Variants in GDA observed in about 807,000 individuals in gnomAD.
GDA encodes cytoplasmic PSD-95 interactor.
In GDA, 18 loss-of-function variants were observed where a neutral mutation model predicts 59.6. That is an observed-to-expected ratio of 0.30 (90% CI 0.21 to 0.45). The LOEUF is 0.45. Ranked by LOEUF, GDA falls within the 20% of genes least tolerant of loss-of-function variation. The probability of loss-of-function intolerance (pLI) is 1.00; values close to 1 mark genes in which losing one functional copy is unlikely to be tolerated. For missense variants in GDA, 427 were observed against 552.3 expected, an observed-to-expected ratio of 0.77 and a Z score of 2.27; for synonymous variants, 201 against 201.1, an observed-to-expected ratio of 1.00 and a Z score of 0.00.
upstream of GDA, among the ~76,000 whole-genome samples, chr9:72,149,082 A>T (rs1293240615): frequency 6.6e-6 from 1 of 152,190 alleles, no homozygotes; most frequent in Non-Finnish European, 1.5e-5. Context: ...AACTGGTCAT[A>T]AGGTAGGCAG....
At chr9:72,239,537 A>G (rs12684798) in intron 10 of GDA, among the ~76,000 whole-genome samples, 35,795 of 152,036 alleles carry the variant, frequency 0.24, 4,894 homozygotes, top group East Asian at 0.53. Context: ...GTCGTTACCC[A>G]TATATTATAA....
rs1840694342 is a variant in GDA at position 72,251,642 on chromosome 9, A to C, written c.*3300A>C. On this transcript the variant is annotated 3_prime_UTR_variant, in exon 14 of 14. Transcript: ENST00000358399. ...TGGATTGTTAAGAATTGTTGAAAAAAAATTTTTTTTTTTTGGACAGCTTCA... is the reference window on the plus strand; with the variant it reads ...TGGATTGTTAAGAATTGTTGAAAAACAATTTTTTTTTTTTGGACAGCTTCA... 6.6e-6 allele frequency: 1 copy of C among 152,162 alleles called. No individual in the cohort carries two copies. The allele number at this position is 152,162 out of a possible 1,614,324, so 9.4% of individuals were successfully genotyped here. A position where few individuals can be genotyped will look rare whatever the true frequency, so the allele number is the denominator to read the frequency against.
At chr9:72,235,610 T>C (rs11790220) in intron 10 of GDA, among the ~76,000 whole-genome samples, 2,245 of 152,014 alleles carry the variant, frequency 0.015, 37 homozygotes, top group Non-Finnish European at 0.022. Flanking sequence ...GGCAGTAGAA[T>C]TGCTTGAACC....
upstream of GDA, among the ~76,000 whole-genome samples, chr9:72,145,314 C>G (rs541600220): frequency 3.3e-4 from 50 of 152,158 alleles, no homozygotes; most frequent in Admixed American, 9.2e-4. Context: ...ATGAACAATT[C>G]CTGGGAGTTT....
At position 72,199,890 on chromosome 9, in the gene GDA, G is replaced by A. The variant is rs569945874; in HGVS notation, c.213-2681G>A. Among the ~76,000 whole-genome samples, 13 of 152,016 alleles carry A rather than the reference G, an allele frequency of 8.6e-5. No homozygotes were observed. In the South Asian group the frequency reaches 2.5e-3, roughly 29 times the overall value. The stretch of plus-strand genomic sequence containing the variant: ...CTTTCTCAGTCTTACTCCTGAAGTC[G>A]AAGGTGCTGCTTAAGATGTTGGTTT... On this transcript the variant is annotated intron_variant, in intron 2 of 13. Transcript: ENST00000358399.
intron 1 of GDA, among the ~76,000 whole-genome samples, chr9:72,153,922 C>G (rs1199161089): frequency 1.3e-5 from 2 of 150,828 alleles, no homozygotes; most frequent in Non-Finnish European, 2.9e-5. Flanking sequence ...ATGTAACTAA[C>G]CTGCACATTG....
intron 2 of GDA, among the ~76,000 whole-genome samples, chr9:72,195,893 AG>A: frequency 6.6e-6 from 1 of 152,172 alleles, no homozygotes; most frequent in East Asian, 1.9e-4. Flanking sequence ...TTGTCCTCAC[AG>A]GGTTTACAGT....
intron 1 of GDA, among the ~76,000 whole-genome samples, chr9:72,194,996 C>T (rs1389320978): frequency 2.0e-5 from 3 of 152,174 alleles, no homozygotes; most frequent in Non-Finnish European, 4.4e-5. Context: ...TCACCACGCC[C>T]TGGGGGGTAG....
chr9:72,240,625 T>A (rs1839506834), intron 10 of GDA, among the ~76,000 whole-genome samples: 1 of 152,018 alleles, frequency 6.6e-6, no homozygotes, highest in Non-Finnish European at 1.5e-5. Context: ...ATAGAGTGGG[T>A]CCTAAATCCA....
intron 1 of GDA, among the ~76,000 whole-genome samples, chr9:72,185,428 G>A (rs1458121823): frequency 5.3e-5 from 8 of 152,154 alleles, no homozygotes; most frequent in East Asian, 1.9e-4. Flanking sequence ...AACATTATTC[G>A]CCCCATTGTA....
At chr9:72,169,560 C>T (rs541553083) in intron 1 of GDA, among the ~76,000 whole-genome samples, 1 of 152,204 alleles carries the variant, frequency 6.6e-6, no homozygotes, top group Non-Finnish European at 1.5e-5. Context: ...CATGTCCACT[C>T]TAATTTCTTT....
At chr9:72,245,824 CTTTG>C (rs141387624) in intron 12 of GDA, among the ~76,000 whole-genome samples, 3,242 of 152,234 alleles carry the variant, frequency 0.021, 38 homozygotes, top group Non-Finnish European at 0.032. Context: ...AGAAAATGAA[CTTTG>C]TTTCTCTTAT....
downstream of GDA, among the ~76,000 whole-genome samples, chr9:72,256,752 A>G (rs1045689113): frequency 6.6e-6 from 1 of 152,196 alleles, no homozygotes; most frequent in Non-Finnish European, 1.5e-5. Context: ...GTCCCTATAC[A>G]TTCTGATTCA....
intron 1 of GDA, among the ~76,000 whole-genome samples, chr9:72,138,688 C>T (rs1826334167): frequency 2.0e-5 from 3 of 152,188 alleles, no homozygotes; most frequent in South Asian, 2.1e-4. Context: ...ATCACAGCCA[C>T]ATGTGTGCCT....
At chr9:72,136,107 C>A (rs1233712262) in intron 1 of GDA, among the ~76,000 whole-genome samples, 5 of 151,938 alleles carry the variant, frequency 3.3e-5, no homozygotes, top group Admixed American at 6.6e-5. Flanking sequence ...ACTAGCTATA[C>A]CAAATCTATA....
intron 3 of GDA, among the ~76,000 whole-genome samples, chr9:72,205,545 A>C (rs1834589780): frequency 6.6e-6 from 1 of 152,194 alleles, no homozygotes; most frequent in African/African-American, 2.4e-5. Flanking sequence ...CTGCCCAGCA[A>C]GGTGGGCAGG....
At chr9:72,226,807 A>C (rs1837646146) in intron 8 of GDA, among the ~76,000 whole-genome samples, 1 of 152,194 alleles carries the variant, frequency 6.6e-6, no homozygotes, top group African/African-American at 2.4e-5. Context: ...TGGGAAAGTT[A>C]TATTTTAATA....
rs570700719 is a variant in GDA at position 72,222,714 on chromosome 9, G to GT, written c.607-397dup. 6.7e-4 allele frequency among the ~76,000 whole-genome samples: 100 copies of GT among 150,074 alleles called. 1 individual carries two copies. Among genetic ancestry groups the GT allele is most frequent in the Middle Eastern group, 3.4e-3 (1 of 290 alleles). ...TTTGTTGTTGTTTGGTTGGTTTTTT[G>GT]TTTTTTTTTGAGACTGAGTTTCTCT... On this transcript the variant is annotated intron_variant, in intron 6 of 13. Coordinates refer to ENST00000358399, the MANE Select transcript of GDA (RefSeq NM_004293.5).
At chr9:72,200,814 G>A (rs1033815466) in intron 2 of GDA, among the ~76,000 whole-genome samples, 1 of 152,102 alleles carries the variant, frequency 6.6e-6, no homozygotes, top group Admixed American at 6.5e-5. Context: ...TTAAAAATTT[G>A]TCACAGTTCT....
Sources: allele counts gnomAD v4.1 joint callset (sites outside exome capture counted in the v4.1 genomes callset), GRCh38; gene constraint gnomAD v4.1.1; transcripts MANE v1.5; gene names NCBI Gene and HGNC (gene_info 2026-07-23, HGNC 2026-07-21).